Variants in HEPH observed in about 807,000 individuals in gnomAD.
HEPH encodes hephaestin.
In HEPH, 69 loss-of-function variants were observed where a neutral mutation model predicts 80.8. The ratio of observed to expected loss-of-function variants is 0.85; its 90% confidence interval spans 0.70 to 1.04. The LOEUF (loss-of-function observed/expected upper bound fraction) is 1.04. HEPH is among the 50% of genes least tolerant of loss of function. HEPH has a pLI of 0.00. For missense variants in HEPH, 1,115 were observed against 891.3 expected, an observed-to-expected ratio of 1.25 and a Z score of -3.20; for synonymous variants, 431 against 322.8, an observed-to-expected ratio of 1.34 and a Z score of -3.60.
chrX:66,220,994 A>G (rs1253109572), intron 15 of HEPH, among the ~76,000 whole-genome samples: 2 of 111,893 alleles, frequency 1.8e-5, no homozygotes, highest in African/African-American at 6.5e-5. Context: ...AACTTGATGT[A>G]TACACTGGGA....
At chrX:66,252,544 T>G (rs1393709506) in intron 15 of HEPH, among the ~76,000 whole-genome samples, 1 of 111,705 alleles carries the variant, frequency 9.0e-6, no homozygotes, top group African/African-American at 3.3e-5. Flanking sequence ...TGGGGAAATT[T>G]TTGAAATTTA....
chrX:66,197,199 TATAC>T (rs1054528255), intron 9 of HEPH, among the ~76,000 whole-genome samples: 1 of 110,093 alleles, frequency 9.1e-6, no homozygotes, highest in African/African-American at 3.3e-5. Context: ...TATGTATATA[TATAC>T]ATACATACAT....
At chrX:66,255,366 T>A (rs2091142864) in intron 16 of HEPH, among the ~76,000 whole-genome samples, 1 of 97,126 alleles carries the variant, frequency 1.0e-5, no homozygotes, top group Non-Finnish European at 2.1e-5. Flanking sequence ...TCATTTTGGA[T>A]CCTATAAAGC....
chrX:66,186,356 T>C (rs1269701761), intron 4 of HEPH, among the ~76,000 whole-genome samples: 4 of 109,456 alleles, frequency 3.7e-5, no homozygotes, highest in Admixed American at 2.9e-4. Flanking sequence ...ATCAGCGAGA[T>C]TCCGTGGGCG....
intron 15 of HEPH, among the ~76,000 whole-genome samples, chrX:66,212,434 C>T (rs985184255): frequency 9.0e-6 from 1 of 110,923 alleles, no homozygotes; most frequent in Admixed American, 9.6e-5. Context: ...GAGAGTTTCC[C>T]TCCAGTTTTC....
At chrX:66,228,816 C>T (rs1489290711) in intron 15 of HEPH, among the ~76,000 whole-genome samples, 1 of 111,973 alleles carries the variant, frequency 8.9e-6, no homozygotes, top group Non-Finnish European at 1.9e-5. Flanking sequence ...CAAATCAAAA[C>T]CACAGTGTGA....
intron 13 of HEPH, among the ~76,000 whole-genome samples, chrX:66,205,125 T>A (rs963070205): frequency 8.9e-6 from 1 of 111,997 alleles, no homozygotes; most frequent in African/African-American, 3.3e-5. Context: ...TTTCTTTTAA[T>A]TAATTTCAAC....
At chrX:66,255,982 GA>G in intron 16 of HEPH, 122 bp from the exon 17 acceptor site, 1 of 465,229 alleles carries the variant, frequency 2.1e-6, no homozygotes, top group African/African-American at 2.4e-5. Context: ...ATAAATGTAA[GA>G]TATCATGAGG....
At chrX:66,251,971 G>T (rs956267839) in intron 15 of HEPH, among the ~76,000 whole-genome samples, 1 of 112,093 alleles carries the variant, frequency 8.9e-6, no homozygotes, top group Non-Finnish European at 1.9e-5. Context: ...TACATTTGTT[G>T]TTATGTGAAG....
intron 15 of HEPH, among the ~76,000 whole-genome samples, chrX:66,238,354 T>C (rs2090440565): frequency 9.0e-6 from 1 of 111,635 alleles, no homozygotes. Flanking sequence ...AAAAGGATCT[T>C]ATTTTTCCTT....
chrX:66,266,997 C>T lies in HEPH; in HGVS notation c.*325C>T. 5.0e-6 allele frequency: 1 copy of T among 199,883 alleles called. No individual in the cohort carries two copies. The highest frequency in any genetic ancestry group is 9.2e-6 in the Non-Finnish European group (1 of 109,280). 16.5% of individuals were successfully genotyped at this position (199,883 alleles called of 1,213,427 possible). A position where few individuals can be genotyped will look rare whatever the true frequency, so the allele number is the denominator to read the frequency against. ...AATTTCTAGAAATGTATCCTTCTCA[C>T]AAAGTAGAGACCAAGAGAAAAACTC... On this transcript the variant is annotated 3_prime_UTR_variant, in exon 21 of 21. Coordinates refer to ENST00000343002, the MANE Select transcript of HEPH (RefSeq NM_001367233.3).
chrX:66,174,219 C>A (rs1030460470), intron 4 of HEPH, among the ~76,000 whole-genome samples: 6 of 110,555 alleles, frequency 5.4e-5, no homozygotes, highest in African/African-American at 2.0e-4. Context: ...TCTTTTGCAC[C>A]CTCACAGTTT....
At chrX:66,247,384 A>G (rs920912731) in intron 15 of HEPH, among the ~76,000 whole-genome samples, 4 of 106,291 alleles carry the variant, frequency 3.8e-5, no homozygotes, top group African/African-American at 1.4e-4. Flanking sequence ...TCCTCATACT[A>G]GATATTTTCC....
chrX:66,235,307 T>A (rs1032153372), intron 15 of HEPH, among the ~76,000 whole-genome samples: 2 of 112,056 alleles, frequency 1.8e-5, no homozygotes, highest in Non-Finnish European at 3.8e-5. Flanking sequence ...CTAAGTTTTC[T>A]TCCAGTATTT....
At position 66,203,726 on chromosome X, in the gene HEPH, T is replaced by C. The variant is rs993312832; in HGVS notation, c.2291+149T>C. ...AGATGGGGCTATAATGCAGCTCTTA[T>C]GAATTCTAGCTCACTGCTGCTTCCA... On this transcript the variant is annotated intron_variant, in intron 13 of 20. Coordinates refer to ENST00000343002, the MANE Select transcript of HEPH (RefSeq NM_001367233.3). 1.2e-5 allele frequency: 6 copies of C among 480,565 alleles called. No homozygotes were observed. The South Asian group carries it at 2.1e-4, about 17-fold the overall frequency. The allele number at this position is 480,565 out of a possible 1,213,427, so 39.6% of individuals were successfully genotyped here. A position where few individuals can be genotyped will look rare whatever the true frequency, so the allele number is the denominator to read the frequency against.
intron 11 of HEPH, 97 bp downstream of exon 11, chrX:66,199,125 T>G: frequency 1.1e-6 from 1 of 885,357 alleles, no homozygotes; most frequent in Non-Finnish European, 1.6e-6. Context: ...ACTGATTTTA[T>G]TGGTCATCTC....
chrX:66,248,536 A>G (rs2090894984), intron 15 of HEPH, among the ~76,000 whole-genome samples: 2 of 112,408 alleles, frequency 1.8e-5, no homozygotes, highest in Admixed American at 1.9e-4. Context: ...GAGAAGCCGT[A>G]AAGTGCTTCT....
intron 15 of HEPH, among the ~76,000 whole-genome samples, chrX:66,245,292 A>G (rs1056945901): frequency 4.5e-4 from 50 of 111,394 alleles, no homozygotes; most frequent in African/African-American, 1.6e-3. Context: ...AAGATCTACC[A>G]AGCAAATGGA....
chrX:66,254,362 T>C (rs941577682), intron 15 of HEPH, among the ~76,000 whole-genome samples: 1 of 111,484 alleles, frequency 9.0e-6, no homozygotes, highest in African/African-American at 3.3e-5. Context: ...ATTAAAGTTT[T>C]GAGTCTGAGT....
Sources: allele counts gnomAD v4.1 joint callset (sites outside exome capture counted in the v4.1 genomes callset), GRCh38; gene constraint gnomAD v4.1.1; transcripts MANE v1.5; gene names NCBI Gene and HGNC (gene_info 2026-07-23, HGNC 2026-07-21).